The following HMSD variants were observed in gnomAD, a reference collection of about 807,000 sequenced individuals.
The protein encoded by HMSD is serpin-like protein HMSD.
In HMSD, 13 loss-of-function variants were observed where a neutral mutation model predicts 10.0. That is an observed-to-expected ratio of 1.31 (90% confidence interval 0.85 to 2.08). The LOEUF (loss-of-function observed/expected upper bound fraction) is 2.08, where lower values mean the gene tolerates loss of function less well. HMSD is among the 30% of genes most tolerant of loss of function. The probability of loss-of-function intolerance (pLI) is 0.00; values close to 1 mark genes in which losing one functional copy is unlikely to be tolerated. For missense variants in HMSD, 169 were observed against 166.3 expected, an observed-to-expected ratio of 1.02 and a Z score of -0.09; for synonymous variants, 51 against 54.2, an observed-to-expected ratio of 0.94 and a Z score of 0.26.
intron 3 of HMSD, among the ~76,000 whole-genome samples, chr18:63,957,161 T>A (rs1271235917): frequency 2.6e-5 from 4 of 152,126 alleles, no homozygotes; most frequent in Non-Finnish European, 5.9e-5. Flanking sequence ...ATCTGTATAC[T>A]AAACCCCTGA....
Position 63,960,667 on chromosome 18 carries a change from T to C in HMSD, c.*312T>C. The C allele has an allele frequency of 3.9e-6, 1 of 253,166 alleles. No homozygotes were observed. Among genetic ancestry groups the C allele is most frequent in the Admixed American group, 5.4e-5 (1 of 18,610 alleles). The allele number at this position is 253,166 out of a possible 1,614,324, so 15.7% of individuals were successfully genotyped here. A position where few individuals can be genotyped will look rare whatever the true frequency, so the allele number is the denominator to read the frequency against. The stretch of plus-strand genomic sequence containing the variant: ...CAGTGATAAGGGAACACACTGATGA[T>C]TTAGATTGAACAGGGAGAGTTATAT... On this transcript the variant is annotated 3_prime_UTR_variant, in exon 4 of 4. Coordinates refer to ENST00000408945, the MANE Select transcript of HMSD (RefSeq NM_001123366.2).
At position 63,960,140 on chromosome 18, in the gene HMSD, G is replaced by A; in HGVS notation, c.223-18G>A. On this transcript the variant is annotated intron_variant, in intron 3 of 3. Transcript: ENST00000408945. Reference sequence around the variant, plus strand: ...GTTGTTTCTGTAGCTGTGAAATTATGTTTTTGGTTTTTCCTAGGGTTTTAC... The same window carrying A: ...GTTGTTTCTGTAGCTGTGAAATTATATTTTTGGTTTTTCCTAGGGTTTTAC... 1 of 1,605,914 alleles carries A rather than the reference G, an allele frequency of 6.2e-7. No homozygotes were observed. Among genetic ancestry groups the A allele is most frequent in the Non-Finnish European group, 8.5e-7 (1 of 1,177,200 alleles).
intron 1 of HMSD, among the ~76,000 whole-genome samples, chr18:63,950,415 C>CAAAAAAAAAAAAAAAAAAAAAA (rs562421091): frequency 1.5e-4 from 6 of 39,056 alleles, no homozygotes; most frequent in African/African-American, 2.0e-4. Flanking sequence ...GACTCTCTCT[C>CAAAAAAAAAAAAAAAAAAAAAA]AAAAAAAAAA....
At chr18:63,952,303 T>A (rs1370237574) in intron 1 of HMSD, among the ~76,000 whole-genome samples, 1 of 151,560 alleles carries the variant, frequency 6.6e-6, no homozygotes, top group Non-Finnish European at 1.5e-5. Context: ...AAAAAAGATC[T>A]CGCCTAGTGT....
At chr18:63,961,987 G>T (rs1293614883), downstream of HMSD, among the ~76,000 whole-genome samples, 17 of 152,174 alleles carry the variant, frequency 1.1e-4, no homozygotes, top group Non-Finnish European at 1.0e-4. Flanking sequence ...CATGTGTTTT[G>T]TGAAATTGCA....
chr18:63,957,041 G>A (rs1469679777), intron 3 of HMSD, among the ~76,000 whole-genome samples: 2 of 152,120 alleles, frequency 1.3e-5, no homozygotes. Context: ...ATGGTCACAA[G>A]GAAAGGAATA....
intron 3 of HMSD, among the ~76,000 whole-genome samples, chr18:63,967,807 C>A (rs755354490): frequency 1.3e-5 from 2 of 152,100 alleles, no homozygotes; most frequent in South Asian, 4.1e-4. Flanking sequence ...TATCAGTTAC[C>A]TGTTGTGTCC....
At chr18:63,967,643 A>T (rs116056408) in intron 3 of HMSD, among the ~76,000 whole-genome samples, 261 of 152,334 alleles carry the variant, frequency 1.7e-3, no homozygotes, top group African/African-American at 5.7e-3. Flanking sequence ...CGAGGGAGTC[A>T]GACAAAACTA....
At chr18:63,963,115 T>TTTCTTTCTCTTTC (rs1568261378), downstream of HMSD, among the ~76,000 whole-genome samples, 32 of 139,880 alleles carry the variant, frequency 2.3e-4, no homozygotes, top group African/African-American at 7.9e-4. Flanking sequence ...CTTTCTTTCT[T>TTTCTTTCTCTTTC]TCTTTCTTTC....
chr18:63,968,501 T>G (rs548865411), intron 3 of HMSD: 1 of 152,416 alleles, frequency 6.6e-6, no homozygotes, highest in African/African-American at 2.4e-5. Flanking sequence ...TGTGCCTCTT[T>G]GCACCTGCAC....
At chr18:63,953,020 T>C (rs781716789) in intron 1 of HMSD, among the ~76,000 whole-genome samples, 1 of 152,214 alleles carries the variant, frequency 6.6e-6, no homozygotes. Flanking sequence ...CCTTATACCA[T>C]GGTGATTAAG....
Position 63,960,547 on chromosome 18 carries a change from A to T in HMSD, c.*192A>T, listed in dbSNP as rs928973228. ...TTAGGTAGTTTTTCTTTTCACAAAT[A>T]GCGTTAAAATTTGAATTTAAAAATT... On this transcript the variant is annotated 3_prime_UTR_variant, in exon 4 of 4. Transcript: ENST00000408945. The T allele has an allele frequency of 9.9e-6, 8 of 808,764 alleles. No individual in the cohort carries two copies. The highest frequency in any genetic ancestry group is 4.0e-5 in the Admixed American group (1 of 25,082). 50.1% of individuals were successfully genotyped at this position (808,764 alleles called of 1,614,324 possible). A position where few individuals can be genotyped will look rare whatever the true frequency, so the allele number is the denominator to read the frequency against.
intron 1 of HMSD, among the ~76,000 whole-genome samples, chr18:63,952,895 T>C (rs146279531): frequency 2.6e-5 from 4 of 152,376 alleles, no homozygotes; most frequent in Admixed American, 6.5e-5. Flanking sequence ...ACATATGGAA[T>C]ATAGGAGGGA....
At chr18:63,963,127 TTCTTTC>T (rs2050396147), downstream of HMSD, among the ~76,000 whole-genome samples, 1 of 138,666 alleles carries the variant, frequency 7.2e-6, no homozygotes, top group Non-Finnish European at 1.6e-5. Flanking sequence ...CTTTCTTTCT[TTCTTTC>T]CTTTCTTTCT....
chr18:63,955,622 T>C (rs1338794501), intron 3 of HMSD, among the ~76,000 whole-genome samples: 1 of 152,032 alleles, frequency 6.6e-6, no homozygotes, highest in Non-Finnish European at 1.5e-5. Context: ...TGTTAACCTT[T>C]AAAACTTTTG....
Position 63,961,376 on chromosome 18 carries a change from TTTTG to T in HMSD, c.*1027_*1030del, listed in dbSNP as rs912782443. 64 of 152,268 alleles carry T rather than the reference TTTTG, an allele frequency of 4.2e-4. No homozygotes were observed. Among genetic ancestry groups the T allele is most frequent in the African/African-American group, 1.5e-3 (62 of 41,560 alleles). The allele number at this position is 152,268 out of a possible 1,614,324, so 9.4% of individuals were successfully genotyped here. On this transcript the variant is annotated 3_prime_UTR_variant, in exon 4 of 4. Transcript: ENST00000408945. Reference sequence around the variant, plus strand: ...ATTGTTCCTAGAGGGTCTTGTGAAATTTTGTTTGTCATATTCTCTTTGAAGAGTT... The same window carrying T: ...ATTGTTCCTAGAGGGTCTTGTGAAATTTTGTCATATTCTCTTTGAAGAGTT...
downstream of HMSD, among the ~76,000 whole-genome samples, chr18:63,965,986 C>G (rs190144002): frequency 6.6e-6 from 1 of 152,126 alleles, no homozygotes; most frequent in Non-Finnish European, 1.5e-5. Flanking sequence ...TGGGGAGAAA[C>G]CTTACTTTAT....
intron 3 of HMSD, among the ~76,000 whole-genome samples, chr18:63,957,826 C>T (rs935638367): frequency 2.0e-5 from 3 of 151,980 alleles, no homozygotes; most frequent in African/African-American, 7.2e-5. Flanking sequence ...ATTTGTAAAC[C>T]ATTTCAGATT....
intron 3 of HMSD, among the ~76,000 whole-genome samples, chr18:63,967,810 T>C (rs2050416750): frequency 6.6e-6 from 1 of 152,156 alleles, no homozygotes; most frequent in Non-Finnish European, 1.5e-5. Context: ...CAGTTACCTG[T>C]TGTGTCCCCA....
Sources: allele counts gnomAD v4.1 joint callset (sites outside exome capture counted in the v4.1 genomes callset), GRCh38; gene constraint gnomAD v4.1.1; transcripts MANE v1.5; gene names NCBI Gene and HGNC (gene_info 2026-07-23, HGNC 2026-07-21).